The following XKR9 variants were observed in gnomAD, a reference collection of about 807,000 sequenced individuals.
XKR9 encodes XK-related protein 9.
XKR9 carries 32 observed loss-of-function variants against 32.0 expected under a neutral mutation model. The ratio of observed to expected loss-of-function variants is 1.00; its 90% CI spans 0.76 to 1.34. The LOEUF (loss-of-function observed/expected upper bound fraction) is 1.34. Ranked by LOEUF, XKR9 falls within the 40% of genes most tolerant of loss-of-function variation. XKR9 has a pLI of 0.00. For missense variants in XKR9, 546 were observed against 429.7 expected, an observed-to-expected ratio of 1.27 and a Z score of -2.39; for synonymous variants, 168 against 143.4, an observed-to-expected ratio of 1.17 and a Z score of -1.22.
chr8:70,832,850 C>T, the XKR9 span, among the ~76,000 whole-genome samples: 1 of 152,172 alleles, frequency 6.6e-6, no homozygotes, highest in Admixed American at 6.5e-5. Flanking sequence ...TACTGTTCGC[C>T]TTCTCCACCA....
chr8:70,810,229 C>A, the XKR9 span, among the ~76,000 whole-genome samples: 4 of 152,270 alleles, frequency 2.6e-5, no homozygotes, highest in Admixed American at 2.6e-4. Context: ...ACTTTACAGA[C>A]AAGCAAATGC....
intron 2 of XKR9, among the ~76,000 whole-genome samples, chr8:70,785,887 G>A (rs137906289): frequency 4.2e-4 from 64 of 151,644 alleles, no homozygotes; most frequent in African/African-American, 1.5e-3. Context: ...GTAGTGGCAT[G>A]ATCATATCTC....
At chr8:70,843,380 C>T in the XKR9 span, among the ~76,000 whole-genome samples, 1 of 152,070 alleles carries the variant, frequency 6.6e-6, no homozygotes, top group African/African-American at 2.4e-5. Flanking sequence ...CTGTTTTTTA[C>T]AGAAATATTT....
At chr8:70,817,102 G>C in the XKR9 span, among the ~76,000 whole-genome samples, 1 of 151,988 alleles carries the variant, frequency 6.6e-6, no homozygotes, top group African/African-American at 2.4e-5. Flanking sequence ...AAATGAATTT[G>C]ATAACATCGT....
the XKR9 span, among the ~76,000 whole-genome samples, chr8:71,060,103 G>C: frequency 1.3e-5 from 2 of 152,192 alleles, no homozygotes; most frequent in Non-Finnish European, 2.9e-5. Flanking sequence ...GGACCATAGA[G>C]AGTGTTTAAA....
the XKR9 span, among the ~76,000 whole-genome samples, chr8:70,982,432 C>T: frequency 6.6e-6 from 1 of 152,218 alleles, no homozygotes; most frequent in East Asian, 1.9e-4. Flanking sequence ...TTATGGCTGC[C>T]TCTGCTGAGT....
chr8:70,712,680 T>A (rs1438999762), intron 4 of XKR9, among the ~76,000 whole-genome samples: 1 of 151,890 alleles, frequency 6.6e-6, no homozygotes, highest in African/African-American at 2.4e-5. Flanking sequence ...CAACCAAAAT[T>A]TACAACTGTT....
At chr8:70,928,561 G>T in the XKR9 span, among the ~76,000 whole-genome samples, 1 of 152,100 alleles carries the variant, frequency 6.6e-6, no homozygotes. Context: ...TTTTGGGAAA[G>T]TATATGGCCT....
At chr8:70,888,275 C>T in the XKR9 span, among the ~76,000 whole-genome samples, 7 of 151,830 alleles carry the variant, frequency 4.6e-5, no homozygotes, top group African/African-American at 1.4e-4. Flanking sequence ...CTTATTTACC[C>T]ATGTTTAAAT....
the XKR9 span, among the ~76,000 whole-genome samples, chr8:70,803,850 G>C: frequency 6.6e-6 from 1 of 152,328 alleles, no homozygotes; most frequent in Non-Finnish European, 1.5e-5. Flanking sequence ...AGTGCTTCCT[G>C]GTAGAACATG....
chr8:70,873,930 C>T, the XKR9 span, among the ~76,000 whole-genome samples: 1 of 152,128 alleles, frequency 6.6e-6, no homozygotes, highest in Non-Finnish European at 1.5e-5. Flanking sequence ...AACAAATTGC[C>T]ACATCATCCC....
chr8:71,014,450 C>G, the XKR9 span, among the ~76,000 whole-genome samples: 1 of 152,060 alleles, frequency 6.6e-6, no homozygotes, highest in Non-Finnish European at 1.5e-5. Flanking sequence ...TCTGCTGGGT[C>G]CAGGAATTCC....
At chr8:70,952,755 AT>A in the XKR9 span, among the ~76,000 whole-genome samples, 1 of 152,200 alleles carries the variant, frequency 6.6e-6, no homozygotes, top group Non-Finnish European at 1.5e-5. Context: ...GGCCAAGCAC[AT>A]TTTCAAACAT....
At chr8:70,769,449 T>A (rs983316529) in intron 2 of XKR9, among the ~76,000 whole-genome samples, 4 of 152,104 alleles carry the variant, frequency 2.6e-5, no homozygotes, top group African/African-American at 9.7e-5. Flanking sequence ...ATCTTAATGA[T>A]GTTCCCTGTA....
At chr8:70,918,755 AGATCATGG>A in the XKR9 span, among the ~76,000 whole-genome samples, 1 of 146,078 alleles carries the variant, frequency 6.8e-6, no homozygotes, top group African/African-American at 2.5e-5. Flanking sequence ...GCATCCAAAT[AGATCATGG>A]GATCCTTTTT....
chr8:70,964,705 C>G, the XKR9 span, among the ~76,000 whole-genome samples: 1 of 152,004 alleles, frequency 6.6e-6, no homozygotes, highest in East Asian at 1.9e-4. Context: ...ATTTTATTCT[C>G]TTTGTAGCCT....
intron 3 of XKR9, among the ~76,000 whole-genome samples, chr8:70,698,125 C>A (rs1206974866): frequency 6.6e-6 from 1 of 151,960 alleles, no homozygotes; most frequent in Non-Finnish European, 1.5e-5. Flanking sequence ...TTGATCCTTT[C>A]AAAAAACCAG....
At chr8:70,713,276 T>G (rs1230005700) in intron 4 of XKR9, among the ~76,000 whole-genome samples, 1 of 151,984 alleles carries the variant, frequency 6.6e-6, no homozygotes, top group Non-Finnish European at 1.5e-5. Flanking sequence ...GAGAGAGATA[T>G]TAAGAGACAT....
At chr8:70,740,465 A>T (rs1262694074), downstream of XKR9, among the ~76,000 whole-genome samples, 1 of 151,982 alleles carries the variant, frequency 6.6e-6, no homozygotes, top group Non-Finnish European at 1.5e-5. Context: ...TCTTCTCTCA[A>T]CTCGTCAAAG....
Sources: gnomAD v4.1 joint callset for allele counts (sites outside exome capture counted in the v4.1 genomes callset) on GRCh38, gnomAD v4.1.1 for gene constraint, MANE v1.5 for transcripts, NCBI Gene and HGNC (gene_info 2026-07-23, HGNC 2026-07-21) for gene names.